The following GRXCR1 variants were observed in gnomAD, a reference collection of about 807,000 sequenced individuals.
The protein encoded by GRXCR1 is glutaredoxin domain-containing cysteine-rich protein 1.
A neutral mutation model predicts 27.3 loss-of-function variants in GRXCR1; 27 were observed. That is an observed-to-expected ratio of 0.99 (90% CI 0.73 to 1.37). The LOEUF is 1.37. GRXCR1 is among the 40% of genes most tolerant of loss of function. The pLI, the probability that GRXCR1 is intolerant of heterozygous loss-of-function variation, is 0.00. For missense variants in GRXCR1, 379 were observed against 354.4 expected (o/e 1.07, Z -0.56); for synonymous variants, 122 against 131.1 (o/e 0.93, Z 0.47).
intron 2 of GRXCR1, among the ~76,000 whole-genome samples, chr4:42,993,667 T>C (rs1334960060): frequency 2.0e-5 from 3 of 152,140 alleles, no homozygotes; most frequent in Non-Finnish European, 2.9e-5. Context: ...AATACTGTAC[T>C]GAAAGTGAAA....
At chr4:42,983,857 A>ATT (rs1172939746) in intron 2 of GRXCR1, among the ~76,000 whole-genome samples, 24 of 141,018 alleles carry the variant, frequency 1.7e-4, no homozygotes, top group African/African-American at 6.2e-4. Flanking sequence ...TTTTTTTCAG[A>ATT]CAGAGTCTCA....
chr4:42,966,689 C>T (rs1748244764), intron 2 of GRXCR1, among the ~76,000 whole-genome samples: 1 of 152,114 alleles, frequency 6.6e-6, no homozygotes, highest in African/African-American at 2.4e-5. Flanking sequence ...TGCTCTGCAG[C>T]CTCACCAGCA....
chr4:42,979,188 C>T (rs1748593587), intron 2 of GRXCR1, among the ~76,000 whole-genome samples: 1 of 151,898 alleles, frequency 6.6e-6, no homozygotes, highest in Non-Finnish European at 1.5e-5. Flanking sequence ...TTTCTCTTAC[C>T]TAATTGTTAT....
At chr4:42,927,474 T>G (rs964427734) in intron 1 of GRXCR1, among the ~76,000 whole-genome samples, 7 of 151,982 alleles carry the variant, frequency 4.6e-5, no homozygotes, top group Admixed American at 4.6e-4. Context: ...GCTATAAATT[T>G]ACAAACAGAT....
At chr4:43,019,415 T>G (rs1480609361) in intron 2 of GRXCR1, among the ~76,000 whole-genome samples, 1 of 152,204 alleles carries the variant, frequency 6.6e-6, no homozygotes, top group Non-Finnish European at 1.5e-5. Context: ...AGTGTGGGAT[T>G]ATATTTCTCC....
intron 3 of GRXCR1, 120 bp from the exon 4 acceptor site, chr4:43,030,241 G>A: frequency 1.2e-6 from 1 of 833,988 alleles, no homozygotes; most frequent in Non-Finnish European, 2.1e-6. Context: ...CAAGTGTATA[G>A]CCATATTATG....
chr4:42,956,515 G>A (rs891321900), intron 1 of GRXCR1, among the ~76,000 whole-genome samples: 7 of 151,748 alleles, frequency 4.6e-5, no homozygotes, highest in African/African-American at 1.7e-4. Flanking sequence ...AAAAGACCTT[G>A]AGAAATCATC....
chr4:42,934,305 T>A (rs568969204), intron 1 of GRXCR1, among the ~76,000 whole-genome samples: 6 of 151,516 alleles, frequency 4.0e-5, no homozygotes, highest in African/African-American at 1.2e-4. Flanking sequence ...ACTGTTTGAA[T>A]GATGGAGATA....
chr4:42,970,040 C>A (rs1748349246), intron 2 of GRXCR1, among the ~76,000 whole-genome samples: 1 of 152,094 alleles, frequency 6.6e-6, no homozygotes, highest in Non-Finnish European at 1.5e-5. Context: ...AGTCCAAAAC[C>A]CAGCAGGGCA....
At chr4:43,029,240 T>A (rs1341912429) in intron 3 of GRXCR1, among the ~76,000 whole-genome samples, 2 of 152,182 alleles carry the variant, frequency 1.3e-5, no homozygotes, top group East Asian at 1.9e-4. Flanking sequence ...AGGTTGAATA[T>A]TTTTGAGGCT....
chr4:42,942,330 T>C (rs1747644190), intron 1 of GRXCR1, among the ~76,000 whole-genome samples: 1 of 152,042 alleles, frequency 6.6e-6, no homozygotes, highest in African/African-American at 2.4e-5. Flanking sequence ...AAATAAGATT[T>C]CACTCTATCT....
chr4:43,006,532 C>G (rs1712564154), intron 2 of GRXCR1, among the ~76,000 whole-genome samples: 1 of 152,056 alleles, frequency 6.6e-6, no homozygotes, highest in Non-Finnish European at 1.5e-5. Context: ...CCCCAGTCTC[C>G]CATAGCACTC....
chr4:42,950,540 T>G (rs966134686), intron 1 of GRXCR1, among the ~76,000 whole-genome samples: 1 of 152,272 alleles, frequency 6.6e-6, no homozygotes, highest in South Asian at 2.1e-4. Context: ...TATTACAAGA[T>G]AGACATTTTT....
intron 3 of GRXCR1, 70 bp from the exon 4 acceptor site, chr4:43,030,290 CG>C: frequency 1.4e-6 from 2 of 1,399,510 alleles, no homozygotes; most frequent in South Asian, 2.3e-5. Context: ...TCAGAAAGAC[CG>C]GGAGGCTGAT....
At chr4:42,946,799 A>C (rs939713833) in intron 1 of GRXCR1, among the ~76,000 whole-genome samples, 1 of 152,158 alleles carries the variant, frequency 6.6e-6, no homozygotes, top group Non-Finnish European at 1.5e-5. Context: ...TTGAGGATTA[A>C]ATTTCAACAT....
chr4:42,901,550 C>A (rs75873188), intron 1 of GRXCR1, among the ~76,000 whole-genome samples: 1 of 152,112 alleles, frequency 6.6e-6, no homozygotes, highest in Non-Finnish European at 1.5e-5. Flanking sequence ...TTACGTTGGG[C>A]CTATCCAGTC....
chr4:42,898,499 TTC>T (rs757827353), intron 1 of GRXCR1, among the ~76,000 whole-genome samples: 1 of 152,036 alleles, frequency 6.6e-6, no homozygotes, highest in Non-Finnish European at 1.5e-5. Context: ...GCATCTCTGG[TTC>T]ACTGAATCAA....
At chr4:42,906,085 A>T (rs1577900023) in intron 1 of GRXCR1, among the ~76,000 whole-genome samples, 2 of 152,024 alleles carry the variant, frequency 1.3e-5, no homozygotes, top group South Asian at 4.2e-4. Context: ...TATTTTTTTT[A>T]AATCCATATT....
chr4:42,942,473 C>G (rs1747646674), intron 1 of GRXCR1, among the ~76,000 whole-genome samples: 1 of 152,020 alleles, frequency 6.6e-6, no homozygotes, highest in South Asian at 2.1e-4. Context: ...CATCCCTTGA[C>G]AGTCATAAGA....
Sources: gnomAD v4.1 joint callset for allele counts (sites outside exome capture counted in the v4.1 genomes callset) on GRCh38, gnomAD v4.1.1 for gene constraint, MANE v1.5 for transcripts, NCBI Gene and HGNC (gene_info 2026-07-23, HGNC 2026-07-21) for gene names.